ZNF638: variants seen among roughly 807,000 people sequenced by gnomAD.
The protein encoded by ZNF638 is zinc finger protein 638, also known as CTCL tumor antigen se33-1.
In ZNF638, 46 loss-of-function variants were observed where a neutral mutation model predicts 195.6. That is an observed-to-expected ratio of 0.24 (90% CI 0.19 to 0.30). ZNF638 has a LOEUF of 0.30. Ranked by LOEUF, ZNF638 falls within the 10% of genes least tolerant of loss-of-function variation. The pLI is 1.00. For synonymous variants in ZNF638, 845 were observed against 772.0 expected, an observed-to-expected ratio of 1.09 and a Z score of -1.57; for missense variants, 2,440 against 2,325.3, an observed-to-expected ratio of 1.05 and a Z score of -1.01.
intron 25 of ZNF638, among the ~76,000 whole-genome samples, chr2:71,430,781 G>A (rs536179844): frequency 6.6e-6 from 1 of 152,278 alleles, no homozygotes; most frequent in South Asian, 2.1e-4. Flanking sequence ...CTTCATTTTT[G>A]TCTGTCCCCA....
At position 71,399,648 on chromosome 2, in the gene ZNF638, A is replaced by C; in HGVS notation, c.2587+3A>C. 6.2e-7 allele frequency: 1 copy of C among 1,604,730 alleles called. No individual in the cohort carries two copies. The highest frequency in any genetic ancestry group is 1.1e-5 in the South Asian group (1 of 89,588). ...TAACAAACCTGTGACTATACCAGGT[A>C]AGCTTGAAATGTGGTCATTCAGTGC... On this transcript the variant is annotated splice_donor_region_variant and intron_variant, in intron 13 of 27. Transcript: ENST00000264447.
chr2:71,359,835 T>C (rs899037511), intron 3 of ZNF638, among the ~76,000 whole-genome samples: 7 of 152,214 alleles, frequency 4.6e-5, no homozygotes, highest in Admixed American at 4.6e-4. Context: ...TTGTGGCTTA[T>C]TCTCTCTGGC....
intron 10 of ZNF638, among the ~76,000 whole-genome samples, chr2:71,390,850 G>A (rs978668740): frequency 1.3e-5 from 2 of 151,186 alleles, no homozygotes; most frequent in Admixed American, 6.6e-5. Flanking sequence ...ACCCCCTAAC[G>A]TTGTGATTTG....
At position 71,365,511 on chromosome 2, in the gene ZNF638, T is replaced by C; in HGVS notation, c.1800T>C (p.Ala600=). 1 of 1,614,150 alleles carries C rather than the reference T, an allele frequency of 6.2e-7. No homozygotes were observed. Among genetic ancestry groups the C allele is most frequent in the Non-Finnish European group, 8.5e-7 (1 of 1,180,006 alleles). ...EFNKQKHLEA[A]DKGHSPAQKP... ...ATAAACAGAAGCATCTTGAAGCTGC[T>C]GATAAGGGACATTCACCAGCACAAA... Residue 600 remains alanine (A), a synonymous_variant, in exon 6 of 28, where the codon GCT becomes GCC. Transcript: ENST00000264447.
intron 3 of ZNF638, among the ~76,000 whole-genome samples, chr2:71,362,033 TA>T (rs912489161): frequency 6.6e-6 from 1 of 152,226 alleles, no homozygotes; most frequent in Non-Finnish European, 1.5e-5. Flanking sequence ...ATTTTATTCT[TA>T]AATGTAGTGA....
At position 71,418,533 on chromosome 2, in the gene ZNF638, A is replaced by T; in HGVS notation, c.3262-69A>T. ...TTGAGCTTAAATTTTTACTAAAAAC[A>T]TTGCTTTTATAGTTAAATATTTCAA... On this transcript the variant is annotated intron_variant, in intron 20 of 27. Coordinates refer to ENST00000264447, the MANE Select transcript of ZNF638 (RefSeq NM_014497.5). 4.5e-6 allele frequency: 5 copies of T among 1,121,730 alleles called. No individual in the cohort carries two copies. In the South Asian group the frequency reaches 9.2e-5, roughly 21 times the overall value. 69.5% of individuals were successfully genotyped at this position (1,121,730 alleles called of 1,614,324 possible). A position where few individuals can be genotyped will look rare whatever the true frequency, so the allele number is the denominator to read the frequency against.
rs754384034 is a variant in ZNF638 at position 71,350,284 on chromosome 2, A to C, written c.1317+13A>C. The C allele has an allele frequency of 6.3e-7, 1 of 1,594,216 alleles. No homozygotes were observed. The highest frequency in any genetic ancestry group is 1.1e-5 in the South Asian group (1 of 90,584). On this transcript the variant is annotated intron_variant, in intron 2 of 27. Transcript: ENST00000264447. ...TAGTCATTTGAAGGTGAGTGTTTTT[A>C]AAAAAAGATCACTGTATAATGATGC...
chr2:71,400,213 C>G (rs1197841787), intron 14 of ZNF638, 33 bp downstream of exon 14: 1 of 1,546,902 alleles, frequency 6.5e-7, no homozygotes, highest in Non-Finnish European at 8.8e-7. Flanking sequence ...TTGTTCTTTA[C>G]TTATTTTAAT....
intron 2 of ZNF638, among the ~76,000 whole-genome samples, chr2:71,353,915 C>A (rs1188253388): frequency 6.6e-6 from 1 of 152,186 alleles, no homozygotes; most frequent in Non-Finnish European, 1.5e-5. Flanking sequence ...ACTAGAGACT[C>A]TTCTTCTAGC....
rs769478842 is a variant in ZNF638 at position 71,388,672 on chromosome 2, A to G, written c.2378-7469A>G. 13 of 1,047,578 alleles carry G rather than the reference A, an allele frequency of 1.2e-5. No individual in the cohort carries two copies. In the East Asian group the frequency reaches 2.8e-4, roughly 23 times the overall value. 64.9% of individuals were successfully genotyped at this position (1,047,578 alleles called of 1,614,324 possible). ...TGGTGCCCCTCGTGAGGAACACTGC[A>G]AGGGATCACGACGGAACCCCCGAAA... On this transcript the variant is annotated intron_variant, in intron 10 of 27. Transcript: ENST00000264447.
In ZNF638 at chr2:71,428,470, A is replaced by G. The variant is rs2080585742; in HGVS notation, c.5546-77A>G. On this transcript the variant is annotated intron_variant, in intron 24 of 27. Transcript: ENST00000264447. ...TTGCAAAAATGTATAATGTTGATTC[A>G]GACAGTATAATATGTTTAATTTAAA... The G allele has an allele frequency of 6.1e-6, 8 of 1,320,600 alleles. No homozygotes were observed. In the East Asian group the frequency reaches 1.9e-4, roughly 31 times the overall value. 81.8% of individuals were successfully genotyped at this position (1,320,600 alleles called of 1,614,324 possible).
intron 16 of ZNF638, among the ~76,000 whole-genome samples, chr2:71,403,637 T>C (rs984955172): frequency 6.6e-5 from 10 of 152,160 alleles, no homozygotes; most frequent in African/African-American, 2.4e-4. Context: ...TTTTCTCTCT[T>C]TAGTTTGCCT....
In ZNF638 at chr2:71,383,560, G is replaced by GTTTGTTTTTTT. The variant is rs2079571507; in HGVS notation, c.2377+2998_2377+2999insGTTTTTTTTTT. 2.5e-5 allele frequency among the ~76,000 whole-genome samples: 3 copies of GTTTGTTTTTTT among 122,120 alleles called. 1 individual carries two copies. The highest frequency in any genetic ancestry group is 8.5e-5 in the Admixed American group (1 of 11,770). 80.1% of individuals were successfully genotyped at this position (122,120 alleles called of 152,430 possible). On this transcript the variant is annotated intron_variant, in intron 10 of 27. Transcript: ENST00000264447. The stretch of plus-strand genomic sequence containing the variant: ...CATGTCATGCTTTTCTTCCTGGGTG[G>GTTTGTTTTTTT]TTTTTTTTTTTTTTTTTTTTTCTTC...
intron 8 of ZNF638, among the ~76,000 whole-genome samples, chr2:71,377,284 G>C (rs1318740072): frequency 6.6e-6 from 1 of 152,018 alleles, no homozygotes; most frequent in African/African-American, 2.4e-5. Context: ...GAAAAAAGTA[G>C]GATCAGATTT....
intron 25 of ZNF638, among the ~76,000 whole-genome samples, chr2:71,429,839 C>T (rs968260911): frequency 6.6e-6 from 1 of 152,210 alleles, no homozygotes; most frequent in African/African-American, 2.4e-5. Flanking sequence ...ATTATGCCCT[C>T]TCTTGAAACT....
At chr2:71,381,198 A>G (rs745749747) in intron 10 of ZNF638, among the ~76,000 whole-genome samples, 2 of 152,160 alleles carry the variant, frequency 1.3e-5, no homozygotes, top group Non-Finnish European at 2.9e-5. Context: ...AAGACAGGAA[A>G]GAAAAGCTAA....
chr2:71,342,002 T>C (rs1248947047), intron 1 of ZNF638, among the ~76,000 whole-genome samples: 1 of 152,190 alleles, frequency 6.6e-6, no homozygotes, highest in Non-Finnish European at 1.5e-5. Context: ...TGCTTAATTT[T>C]ATTTTCTAAA....
In ZNF638 at chr2:71,423,733, A is replaced by G; in HGVS notation, c.4219A>G (p.Thr1407Ala). The change falls in exon 22 of 28, where the codon ACA becomes GCA. Residue 1407 changes from threonine (T) to alanine (A), a missense_variant. Thr to Ala is a moderately conservative substitution (Grantham distance 58). Transcript: ENST00000264447. The stretch of plus-strand genomic sequence containing the variant: ...AGTCTCTTCTCCTAAGGCAAAAGCT[A>G]CAGTTTCAAAAACTGAAAATCAGAA... ...VIVSSPKAKATVSKTENQKSF... is the reference protein window; with the variant it reads ...VIVSSPKAKAAVSKTENQKSF... 1 of 1,613,950 alleles carries G rather than the reference A, an allele frequency of 6.2e-7. No homozygotes were observed.
rs1386000305 is a variant in ZNF638, at chr2:71,331,793, C to G, written c.-285C>G. 7.1e-6 allele frequency: 7 copies of G among 985,926 alleles called. No individual in the cohort carries two copies. Among genetic ancestry groups the G allele is most frequent in the Non-Finnish European group, 8.4e-6 (7 of 830,134 alleles). 61.1% of individuals were successfully genotyped at this position (985,926 alleles called of 1,614,324 possible). On this transcript the variant is annotated 5_prime_UTR_variant, in exon 1 of 28. Transcript: ENST00000264447. ...GCGTGCAGCTCTTTGGAGGCGGTAGCGTTTTCGGCGTCGAGACTGGAGGCT... is the reference window on the plus strand; with the variant it reads ...GCGTGCAGCTCTTTGGAGGCGGTAGGGTTTTCGGCGTCGAGACTGGAGGCT...
Sources: allele counts gnomAD v4.1 joint callset (sites outside exome capture counted in the v4.1 genomes callset), GRCh38; gene constraint gnomAD v4.1.1; transcripts MANE v1.5; gene names NCBI Gene and HGNC (gene_info 2026-07-23, HGNC 2026-07-21).